ELMO1: variants seen among roughly 807,000 people sequenced by gnomAD.
The protein encoded by ELMO1 is engulfment and cell motility 1.
ELMO1 carries 26 observed loss-of-function variants against 98.9 expected under a neutral mutation model. The observed-to-expected ratio is 0.26, with a 90% CI of 0.19 to 0.36. The LOEUF (loss-of-function observed/expected upper bound fraction) is 0.36, where lower values mean the gene tolerates loss of function less well. Among genes scored for constraint, ELMO1 ranks in the 10% least tolerant of loss-of-function variants. The pLI is 1.00. For missense variants in ELMO1, 627 were observed against 935.2 expected (o/e 0.67, Z 4.30); for synonymous variants, 346 against 346.0 (o/e 1.00, Z 0.00).
At chr7:36,964,768 C>T (rs932943076) in intron 16 of ELMO1, among the ~76,000 whole-genome samples, 2 of 152,078 alleles carry the variant, frequency 1.3e-5, no homozygotes, top group South Asian at 2.1e-4. Flanking sequence ...AATGAACCTG[C>T]GCATACACAA....
chr7:36,861,748 G>A lies in ELMO1; in HGVS notation c.1906-12C>T, dbSNP rs1052705578. On this transcript the variant is annotated splice_polypyrimidine_tract_variant and intron_variant, in intron 20 of 21. Transcript: ENST00000310758. ...AGTTCAAGCACCTCCTACAAGAGAT[G>A]AGAGAAAACAGCACCTTAAGGAAAA... The A allele has an allele frequency of 1.2e-6, 2 of 1,612,616 alleles. No individual in the cohort carries two copies. The highest frequency in any genetic ancestry group is 1.3e-5 in the African/African-American group (1 of 74,696).
At chr7:37,305,461 T>TGA (rs1384576937) in intron 4 of ELMO1, among the ~76,000 whole-genome samples, 1 of 151,986 alleles carries the variant, frequency 6.6e-6, no homozygotes, top group Non-Finnish European at 1.5e-5. Context: ...TGTGTGTGTG[T>TGA]GTGTGTGTAT....
At chr7:37,106,976 A>T (rs2129272371) in intron 14 of ELMO1, among the ~76,000 whole-genome samples, 2 of 152,290 alleles carry the variant, frequency 1.3e-5, no homozygotes, top group South Asian at 2.1e-4. Context: ...TGACGCTGCA[A>T]GTCCAGGGTC....
chr7:36,997,661 A>G (rs1430241031), intron 16 of ELMO1: 1 of 152,222 alleles, frequency 6.6e-6, no homozygotes, highest in East Asian at 1.9e-4. Context: ...TCTGCAGACC[A>G]TCCACAGGGG....
chr7:37,286,146 G>T, intron 4 of ELMO1, among the ~76,000 whole-genome samples: 1 of 152,270 alleles, frequency 6.6e-6, no homozygotes, highest in East Asian at 1.9e-4. Flanking sequence ...GCCCATTCTA[G>T]GCAAAACAAT....
intron 16 of ELMO1, among the ~76,000 whole-genome samples, chr7:36,951,029 TCTTTTTGAG>T (rs1270318932): frequency 2.6e-5 from 4 of 152,208 alleles, no homozygotes; most frequent in Admixed American, 2.6e-4. Flanking sequence ...AGTCCACAAG[TCTTTTTGAG>T]CTTATTTCTA....
intron 16 of ELMO1, among the ~76,000 whole-genome samples, chr7:36,989,620 C>G (rs1168772170): frequency 1.3e-5 from 2 of 152,118 alleles, no homozygotes; most frequent in African/African-American, 4.8e-5. Context: ...TACAAAAGAC[C>G]ATCTATATGA....
chr7:37,203,492 G>GA (rs1792414699), intron 13 of ELMO1, among the ~76,000 whole-genome samples: 1 of 152,194 alleles, frequency 6.6e-6, no homozygotes, highest in Non-Finnish European at 1.5e-5. Context: ...TCTGAGGAGG[G>GA]ATCCTAAAAT....
intron 15 of ELMO1, among the ~76,000 whole-genome samples, chr7:37,096,030 G>A (rs915852169): frequency 1.3e-5 from 2 of 152,176 alleles, no homozygotes; most frequent in African/African-American, 4.8e-5. Flanking sequence ...CAAAAGGCAA[G>A]AAAATTATCA....
At chr7:37,013,506 A>T in intron 15 of ELMO1, 71 bp from the exon 16 acceptor site, 1 of 1,558,692 alleles carries the variant, frequency 6.4e-7, no homozygotes, top group Non-Finnish European at 8.8e-7. Flanking sequence ...AACCACAGGT[A>T]TGTGCCCCAA....
At chr7:37,386,166 A>T (rs1337942857) in intron 1 of ELMO1, among the ~76,000 whole-genome samples, 1 of 152,150 alleles carries the variant, frequency 6.6e-6, no homozygotes, top group Non-Finnish European at 1.5e-5. Flanking sequence ...CTTCCTCAAC[A>T]AATGTGTTTT....
At position 37,216,647 on chromosome 7, in the gene ELMO1, T is replaced by A; in HGVS notation, c.829A>T (p.Thr277Ser). 1 of 1,614,146 alleles carries A rather than the reference T, an allele frequency of 6.2e-7. No individual in the cohort carries two copies. Among genetic ancestry groups the A allele is most frequent in the South Asian group, 1.1e-5 (1 of 91,084 alleles). ...AQKQLRSIIL[T>S]HVIRAQRAIN... ...GGTCACAGCGCATAGGTACTCACTG[T>A]TAAAATGATGGAACGCAGTTGCTTC... Residue 277 changes from threonine (T) to serine (S), a missense_variant and splice_region_variant, in exon 11 of 22, where the codon ACA becomes TCA. Physicochemically the swap from Thr to Ser is moderately conservative, Grantham distance 58 (BLOSUM62 1). Coordinates refer to ENST00000310758, the MANE Select transcript of ELMO1 (RefSeq NM_014800.11).
At chr7:36,859,385 T>G (rs749457267) in intron 21 of ELMO1, among the ~76,000 whole-genome samples, 7 of 152,220 alleles carry the variant, frequency 4.6e-5, no homozygotes, top group African/African-American at 1.7e-4. Flanking sequence ...TAAAATGATA[T>G]CCAGATTTGC....
At chr7:37,162,095 G>A (rs1789263618) in intron 13 of ELMO1, among the ~76,000 whole-genome samples, 1 of 150,250 alleles carries the variant, frequency 6.7e-6, no homozygotes, top group South Asian at 2.1e-4. Context: ...GGGTAAACTG[G>A]AACTAAGTAA....
At chr7:36,959,703 G>A (rs967192835) in intron 16 of ELMO1, among the ~76,000 whole-genome samples, 1 of 152,162 alleles carries the variant, frequency 6.6e-6, no homozygotes, top group African/African-American at 2.4e-5. Flanking sequence ...TTGAGACGGA[G>A]TCTCACTCAC....
chr7:37,199,232 T>G (rs1792148233), intron 13 of ELMO1, among the ~76,000 whole-genome samples: 1 of 152,008 alleles, frequency 6.6e-6, no homozygotes, highest in Non-Finnish European at 1.5e-5. Flanking sequence ...CCGTAAAAAG[T>G]AAGAAGAACG....
At chr7:37,203,576 A>G (rs1193732901) in intron 13 of ELMO1, among the ~76,000 whole-genome samples, 1 of 152,182 alleles carries the variant, frequency 6.6e-6, no homozygotes, top group African/African-American at 2.4e-5. Flanking sequence ...GGGCACCTAA[A>G]GAAGGTAACA....
chr7:37,098,540 C>T (rs1372867659), intron 14 of ELMO1, among the ~76,000 whole-genome samples: 1 of 152,108 alleles, frequency 6.6e-6, no homozygotes, highest in Non-Finnish European at 1.5e-5. Flanking sequence ...AAAGAACATT[C>T]CAGATAGAGA....
At chr7:37,091,706 C>T (rs1784103613) in intron 15 of ELMO1, among the ~76,000 whole-genome samples, 1 of 152,054 alleles carries the variant, frequency 6.6e-6, no homozygotes, top group African/African-American at 2.4e-5. Context: ...AAGACATACC[C>T]AAGACTGGGT....
Sources: gnomAD v4.1 joint callset for allele counts (sites outside exome capture counted in the v4.1 genomes callset) on GRCh38, gnomAD v4.1.1 for gene constraint, MANE v1.5 for transcripts, NCBI Gene and HGNC (gene_info 2026-07-23, HGNC 2026-07-21) for gene names.